ABCA9: variants seen among roughly 807,000 people sequenced by gnomAD.
The protein encoded by ABCA9 is ATP-binding cassette sub-family A member 9.
ABCA9 carries 183 observed loss-of-function variants against 205.3 expected under a neutral mutation model. The ratio of observed to expected loss-of-function variants is 0.89; its 90% CI spans 0.79 to 1.01. The LOEUF is 1.01. Among genes scored for constraint, ABCA9 ranks in the 50% least tolerant of loss-of-function variants. The pLI is 0.00. For missense variants in ABCA9, 1,805 were observed against 1,912.4 expected (o/e 0.94, Z 1.05); for synonymous variants, 651 against 683.3 (o/e 0.95, Z 0.74).
At chr17:69,000,694 T>C (rs570355279) in intron 25 of ABCA9, among the ~76,000 whole-genome samples, 6 of 151,374 alleles carry the variant, frequency 4.0e-5, no homozygotes, top group African/African-American at 1.5e-4. Context: ...GGGGATGGCA[T>C]TGAATCTGTA....
chr17:68,990,736 T>G, intron 29 of ABCA9, 101 bp downstream of exon 29: 1 of 1,447,418 alleles, frequency 6.9e-7, no homozygotes. Context: ...TGTGTAAGAA[T>G]GAAAGAACCC....
chr17:68,992,054 T>C lies in ABCA9; in HGVS notation c.3716+121A>G. On this transcript the variant is annotated intron_variant, in intron 28 of 38. Coordinates refer to ENST00000340001, the MANE Select transcript of ABCA9 (RefSeq NM_080283.4). Reference sequence around the variant, plus strand: ...TATTATGGGTTATAAGAATTTTGTATATCACAGTCTTTAAAAACCATCCTG... The same window carrying C: ...TATTATGGGTTATAAGAATTTTGTACATCACAGTCTTTAAAAACCATCCTG... 3 of 605,548 alleles carry C rather than the reference T, an allele frequency of 5.0e-6. No individual in the cohort carries two copies. The South Asian group carries it at 7.8e-5, about 16-fold the overall frequency. The allele number at this position is 605,548 out of a possible 1,614,324, so 37.5% of individuals were successfully genotyped here.
At position 69,045,191 on chromosome 17, in the gene ABCA9, T is replaced by C. The variant is rs764538288; in HGVS notation, c.450A>G (p.Lys150=). ...AGTTACCTGAATGGTCTCTGTGCTC[T>C]TTCATCATGGGGATTCTATGTCCCC... ...FSWGHRIPMM[K]EHRDHSAHCQ... is the part of the protein sequence containing the mutation. Residue 150 remains lysine, a synonymous_variant, in exon 4 of 39, where the codon AAA becomes AAG. Transcript: ENST00000340001. 11 of 1,612,926 alleles carry C rather than the reference T, an allele frequency of 6.8e-6. No homozygotes were observed. In the South Asian group the frequency reaches 1.2e-4, roughly 18 times the overall value.
At chr17:69,066,948 T>C in the ABCA9 span, among the ~76,000 whole-genome samples, 1 of 152,204 alleles carries the variant, frequency 6.6e-6, no homozygotes, top group African/African-American at 2.4e-5. Flanking sequence ...TTAGAAGTTA[T>C]TTATCATTAA....
At chr17:68,993,235 C>G (rs976224106) in intron 26 of ABCA9, 151 bp from the exon 27 acceptor site, 1 of 644,244 alleles carries the variant, frequency 1.6e-6, no homozygotes, top group Non-Finnish European at 2.7e-6. Flanking sequence ...TAATTTCGGA[C>G]TGTGCAGTAT....
At chr17:69,045,399 A>G in intron 3 of ABCA9, 63 bp from the exon 4 acceptor site, 1 of 1,483,896 alleles carries the variant, frequency 6.7e-7, no homozygotes. Context: ...GCCATATTCA[A>G]TTATGTTGAG....
intron 22 of ABCA9, among the ~76,000 whole-genome samples, chr17:69,012,904 T>TTGAC (rs1427857984): frequency 2.0e-5 from 3 of 152,146 alleles, no homozygotes; most frequent in Admixed American, 6.6e-5. Flanking sequence ...TAACCATCAT[T>TTGAC]TGACTACGTC....
chr17:69,019,247 A>AATT (rs1210175363), intron 19 of ABCA9, among the ~76,000 whole-genome samples: 1 of 152,134 alleles, frequency 6.6e-6, no homozygotes. Context: ...TACCCAATTA[A>AATT]GCTTCTTAAC....
In ABCA9 at chr17:69,024,224, G is replaced by A. The variant is rs1185425785; in HGVS notation, c.2271C>T (p.Asn757=). Residue 757 remains asparagine (N), a synonymous_variant, in exon 17 of 39, where the codon AAC becomes AAT. Coordinates refer to ENST00000340001, the MANE Select transcript of ABCA9 (RefSeq NM_080283.4). The part of the protein sequence containing the change: ...LVYILPLERT[N]KFPELYRDLD... ...TTTACATTTTGTTACCTGGAAATTTGTTTGTCCTTTCCAAAGGCAAAATAT... is the reference window on the plus strand; with the variant it reads ...TTTACATTTTGTTACCTGGAAATTTATTTGTCCTTTCCAAAGGCAAAATAT... 1 of 1,611,888 alleles carries A rather than the reference G, an allele frequency of 6.2e-7. No homozygotes were observed.
chr17:69,055,540 A>G (rs1222737669), intron 1 of ABCA9, among the ~76,000 whole-genome samples: 1 of 152,230 alleles, frequency 6.6e-6, no homozygotes, highest in Non-Finnish European at 1.5e-5. Context: ...TGCAAAGAGA[A>G]ACAGATGAAT....
chr17:69,001,585 G>A (rs1347000414), intron 25 of ABCA9, among the ~76,000 whole-genome samples: 1 of 151,420 alleles, frequency 6.6e-6, no homozygotes, highest in East Asian at 1.9e-4. Flanking sequence ...TCTCTTTTTT[G>A]GTTGTGTCTC....
chr17:68,984,918 G>T lies in ABCA9; in HGVS notation c.4346C>A (p.Thr1449Asn). 1 of 1,614,116 alleles carries T rather than the reference G, an allele frequency of 6.2e-7. No homozygotes were observed. Among genetic ancestry groups the T allele is most frequent in the African/African-American group, 1.3e-5 (1 of 75,020 alleles). The change falls in exon 34 of 39, where the codon ACC becomes AAC. Residue 1449 changes from threonine to asparagine, a missense_variant. Coordinates refer to ENST00000340001, the MANE Select transcript of ABCA9 (RefSeq NM_080283.4). ...PSVVLLDEPS[T>N]GMDPEGQQQM... ...CTGCTGCCCCTCGGGGTCCATCCCGGTCGACGGCTCATCCAGAAGCACCAC... is the reference window on the plus strand; with the variant it reads ...CTGCTGCCCCTCGGGGTCCATCCCGTTCGACGGCTCATCCAGAAGCACCAC...
chr17:68,991,276 A>G (rs2069447172), intron 28 of ABCA9, among the ~76,000 whole-genome samples: 1 of 152,326 alleles, frequency 6.6e-6, no homozygotes, highest in Middle Eastern at 3.4e-3. Flanking sequence ...GAGGAAAGGA[A>G]TCTAGGAACT....
chr17:68,980,664 C>T (rs535770415), intron 37 of ABCA9, among the ~76,000 whole-genome samples: 20 of 149,212 alleles, frequency 1.3e-4, no homozygotes, highest in African/African-American at 4.9e-4. Context: ...AACCATCATT[C>T]TCAGCAAACT....
intron 37 of ABCA9, among the ~76,000 whole-genome samples, chr17:68,980,666 C>G (rs1005871900): frequency 1.3e-5 from 2 of 148,784 alleles, no homozygotes; most frequent in Non-Finnish European, 3.0e-5. Context: ...CCATCATTCT[C>G]AGCAAACTCA....
intron 26 of ABCA9, 38 bp from the exon 27 acceptor site, chr17:68,993,122 CTTTA>C (rs1175846677): frequency 2.6e-6 from 4 of 1,535,744 alleles, no homozygotes; most frequent in Non-Finnish European, 2.7e-6. Context: ...GGTGAACCTT[CTTTA>C]TTTATTCATG....
intron 2 of ABCA9, among the ~76,000 whole-genome samples, chr17:69,050,323 AACACACACACACACACACGAAC>A (rs1158177523): frequency 1.6e-5 from 2 of 123,858 alleles, no homozygotes; most frequent in South Asian, 3.0e-4. Flanking sequence ...TTGTTGCATG[AACACACACACACACACACGAAC>A]ACACACACAC....
In ABCA9 at chr17:68,990,854, C is replaced by G. The variant is rs781663929; in HGVS notation, c.3820G>C (p.Val1274Leu). 6.2e-7 allele frequency: 1 copy of G among 1,613,068 alleles called. No homozygotes were observed. ...ERMRTVNAMAVRDFDETPVII... is the reference protein window; with the variant it reads ...ERMRTVNAMALRDFDETPVII... ...AGTTCTACCTCATCAAAGTCTCGCA[C>G]AGCCATAGCATTCACTGTTCTCATT... The change falls in exon 29 of 39, where the codon GTG becomes CTG. Residue 1274 changes from valine to leucine, a missense_variant. By Grantham distance (32) the Val-to-Leu change is conservative. Coordinates refer to ENST00000340001, the MANE Select transcript of ABCA9 (RefSeq NM_080283.4).
chr17:69,052,845 G>A (rs375005538), intron 1 of ABCA9, among the ~76,000 whole-genome samples: 46 of 152,130 alleles, frequency 3.0e-4, no homozygotes, highest in African/African-American at 1.0e-3. Flanking sequence ...CCCATAACCC[G>A]CTCCTTGGGT....
Sources: allele counts gnomAD v4.1 joint callset (sites outside exome capture counted in the v4.1 genomes callset), GRCh38; gene constraint gnomAD v4.1.1; transcripts MANE v1.5; gene names NCBI Gene and HGNC (gene_info 2026-07-23, HGNC 2026-07-21).